Variants in SNX3 observed in about 807,000 individuals in gnomAD.
The protein encoded by SNX3 is sorting nexin-3.
In SNX3, 5 loss-of-function variants were observed where a neutral mutation model predicts 17.7. The ratio of observed to expected loss-of-function variants is 0.28; its 90% CI spans 0.15 to 0.59. The LOEUF (loss-of-function observed/expected upper bound fraction) is 0.59. SNX3 is among the 20% of genes least tolerant of loss of function. The pLI, the probability that SNX3 is intolerant of heterozygous loss-of-function variation, is 0.88. For synonymous variants in SNX3, 91 were observed against 76.5 expected, an observed-to-expected ratio of 1.19 and a Z score of -0.99; for missense variants, 132 against 206.8, an observed-to-expected ratio of 0.64 and a Z score of 2.22.
chr6:108,243,006 G>C (rs1450413683), intron 1 of SNX3, among the ~76,000 whole-genome samples: 1 of 152,188 alleles, frequency 6.6e-6, no homozygotes, highest in Non-Finnish European at 1.5e-5. Flanking sequence ...GTCCAGACAA[G>C]CCATATTCAG....
chr6:108,221,769 T>C (rs1774782187), intron 2 of SNX3, among the ~76,000 whole-genome samples: 1 of 152,060 alleles, frequency 6.6e-6, no homozygotes, highest in African/African-American at 2.4e-5. Flanking sequence ...GGTCTCGAAC[T>C]CCTTGGCTTA....
At chr6:108,237,882 G>A (rs1434838553) in intron 1 of SNX3, among the ~76,000 whole-genome samples, 2 of 150,998 alleles carry the variant, frequency 1.3e-5, no homozygotes, top group African/African-American at 4.9e-5. Flanking sequence ...CTGATCACTT[G>A]AACTCAGGAG....
intron 1 of SNX3, among the ~76,000 whole-genome samples, chr6:108,225,487 T>G (rs1413953772): frequency 1.3e-5 from 2 of 148,766 alleles, no homozygotes; most frequent in Admixed American, 1.3e-4. Flanking sequence ...AAAACTTAGC[T>G]GGGCATGGTG....
At chr6:108,240,744 A>G (rs1775490988) in intron 1 of SNX3, among the ~76,000 whole-genome samples, 1 of 152,142 alleles carries the variant, frequency 6.6e-6, no homozygotes. Flanking sequence ...GCGGCAACCC[A>G]AGGTTGCAAT....
chr6:108,220,433 C>T (rs998541304), intron 2 of SNX3, among the ~76,000 whole-genome samples: 1 of 151,890 alleles, frequency 6.6e-6, no homozygotes, highest in African/African-American at 2.4e-5. Context: ...TGCACAAATG[C>T]TTCCCACTAT....
intron 3 of SNX3, 51 bp downstream of exon 3, chr6:108,214,447 C>T: frequency 6.3e-7 from 1 of 1,576,210 alleles, no homozygotes; most frequent in Non-Finnish European, 8.6e-7. Context: ...ATCTAAACTA[C>T]AAGTAGTCAC....
chr6:108,225,902 A>T (rs1310717205), intron 1 of SNX3, among the ~76,000 whole-genome samples: 1 of 151,636 alleles, frequency 6.6e-6, no homozygotes, highest in Non-Finnish European at 1.5e-5. Context: ...GTATGGTGGC[A>T]TGTGCCTGTA....
intron 2 of SNX3, among the ~76,000 whole-genome samples, chr6:108,220,759 C>T (rs1470651652): frequency 6.6e-5 from 10 of 152,106 alleles, no homozygotes; most frequent in Non-Finnish European, 1.3e-4. Flanking sequence ...GGGCGGATCA[C>T]CTGAGGTCAG....
In SNX3 at chr6:108,220,292, A is replaced by G. The variant is rs113422072; in HGVS notation, c.258+2658T>C. ...CATACTAACTGACTCACCCAGAACA[A>G]CTTTCAATCCTGCAAGCTCCATTTA... On this transcript the variant is annotated intron_variant, in intron 2 of 3. Coordinates refer to ENST00000230085, the MANE Select transcript of SNX3 (RefSeq NM_003795.6). Among the ~76,000 whole-genome samples the G allele has an allele frequency of 8.4e-4, 128 of 152,238 alleles. 1 individual carries two copies. The highest frequency in any genetic ancestry group is 3.0e-3 in the African/African-American group (123 of 41,540).
intron 1 of SNX3, among the ~76,000 whole-genome samples, chr6:108,248,748 T>C (rs1212084061): frequency 1.3e-5 from 2 of 152,122 alleles, no homozygotes; most frequent in African/African-American, 4.8e-5. Context: ...TTCTCAATTT[T>C]CAACTTAATT....
At position 108,261,014 on chromosome 6, in the gene SNX3, G is replaced by T; in HGVS notation, c.-93C>A. The T allele has an allele frequency of 1.6e-6, 2 of 1,222,702 alleles. No homozygotes were observed. Among genetic ancestry groups the T allele is most frequent in the Non-Finnish European group, 2.1e-6 (2 of 936,502 alleles). 75.7% of individuals were successfully genotyped at this position (1,222,702 alleles called of 1,614,324 possible). ...CGCTGCTGCCCGCCGTGGGGACACG[G>T]GGCTCGCGCGCAGCGGTCGCGAAGA... On this transcript the variant is annotated 5_prime_UTR_variant, in exon 1 of 4. Coordinates refer to ENST00000230085, the MANE Select transcript of SNX3 (RefSeq NM_003795.6).
chr6:108,234,189 T>G (rs1775253268), intron 1 of SNX3, among the ~76,000 whole-genome samples: 1 of 151,870 alleles, frequency 6.6e-6, no homozygotes, highest in Non-Finnish European at 1.5e-5. Flanking sequence ...AATGAAAGGG[T>G]GGAGACCAGT....
intron 1 of SNX3, among the ~76,000 whole-genome samples, chr6:108,230,024 T>G (rs1775091872): frequency 6.6e-6 from 1 of 151,964 alleles, no homozygotes; most frequent in Non-Finnish European, 1.5e-5. Flanking sequence ...TCTAGTTGAT[T>G]CCTAGGTTTA....
intron 1 of SNX3, among the ~76,000 whole-genome samples, chr6:108,258,472 A>AAG (rs1554263761): frequency 7.3e-5 from 11 of 151,524 alleles, no homozygotes; most frequent in African/African-American, 2.7e-4. Flanking sequence ...AAAAAAAAAA[A>AAG]AAATTTTCTT....
chr6:108,255,198 T>C (rs1466891574), intron 1 of SNX3, among the ~76,000 whole-genome samples: 2 of 152,202 alleles, frequency 1.3e-5, no homozygotes, highest in Non-Finnish European at 2.9e-5. Context: ...TCTTCACTGC[T>C]AATAGCATGC....
At chr6:108,213,608 C>A (rs988261502) in intron 3 of SNX3, among the ~76,000 whole-genome samples, 3 of 149,024 alleles carry the variant, frequency 2.0e-5, no homozygotes, top group African/African-American at 7.5e-5. Context: ...GCCGAGACTG[C>A]ACCACTGCAC....
At chr6:108,219,334 G>C (rs1774683830) in intron 2 of SNX3, among the ~76,000 whole-genome samples, 1 of 152,210 alleles carries the variant, frequency 6.6e-6, no homozygotes, top group Non-Finnish European at 1.5e-5. Context: ...AGCTAGGTGT[G>C]GTGGCTCATG....
At chr6:108,240,461 C>T (rs931232124) in intron 1 of SNX3, among the ~76,000 whole-genome samples, 6 of 152,094 alleles carry the variant, frequency 3.9e-5, no homozygotes, top group African/African-American at 1.2e-4. Flanking sequence ...TCAGGTGATC[C>T]ACACGCCCTG....
chr6:108,219,219 C>CA (rs917301168), intron 2 of SNX3, among the ~76,000 whole-genome samples: 4 of 151,440 alleles, frequency 2.6e-5, no homozygotes, highest in Middle Eastern at 3.4e-3. Context: ...AATAAATTTA[C>CA]AAAAAAAAGC....
Sources: allele counts gnomAD v4.1 joint callset (sites outside exome capture counted in the v4.1 genomes callset), GRCh38; gene constraint gnomAD v4.1.1; transcripts MANE v1.5; gene names NCBI Gene and HGNC (gene_info 2026-07-23, HGNC 2026-07-21).